The following DHX9 variants were observed in gnomAD, a reference collection of about 807,000 sequenced individuals.
DHX9 encodes the protein ATP-dependent RNA helicase A.
In DHX9, 27 loss-of-function variants were observed where a neutral mutation model predicts 148.7. The ratio of observed to expected loss-of-function variants is 0.18; its 90% CI spans 0.13 to 0.25. The LOEUF (loss-of-function observed/expected upper bound fraction) is 0.25. Among genes scored for constraint, DHX9 ranks in the 10% least tolerant of loss-of-function variants. The pLI, the probability that DHX9 is intolerant of heterozygous loss-of-function variation, is 1.00. For synonymous variants in DHX9, 529 were observed against 516.6 expected, an observed-to-expected ratio of 1.02 and a Z score of -0.33; for missense variants, 796 against 1,559.6, an observed-to-expected ratio of 0.51 and a Z score of 8.25.
intron 12 of DHX9, 49 bp from the exon 13 acceptor site, chr1:182,866,395 A>G (rs1648298622): frequency 2.5e-6 from 4 of 1,592,816 alleles, no homozygotes; most frequent in Non-Finnish European, 3.4e-6. Flanking sequence ...ATAAACAAGT[A>G]TATCTAACTT....
At chr1:182,867,981 T>TTTTA (rs1296553110) in intron 14 of DHX9, among the ~76,000 whole-genome samples, 1 of 152,160 alleles carries the variant, frequency 6.6e-6, no homozygotes, top group Non-Finnish European at 1.5e-5. Context: ...CATTTCTAGT[T>TTTTA]TTTATTTTTT....
chr1:182,886,445 C>G (rs1649335429), intron 27 of DHX9, among the ~76,000 whole-genome samples: 1 of 152,106 alleles, frequency 6.6e-6, no homozygotes, highest in African/African-American at 2.4e-5. Context: ...ATCCACCCAC[C>G]TCAGCCTCCC....
chr1:182,869,755 CACCTGGGT>C (rs1350729359), intron 14 of DHX9, among the ~76,000 whole-genome samples: 1 of 152,204 alleles, frequency 6.6e-6, no homozygotes, highest in Non-Finnish European at 1.5e-5. Flanking sequence ...CCTGCCACCA[CACCTGGGT>C]AATTTTTGTA....
intron 4 of DHX9, 22 bp from the exon 5 acceptor site, chr1:182,853,284 A>C (rs747978561): frequency 6.5e-7 from 1 of 1,548,468 alleles, no homozygotes; most frequent in Non-Finnish European, 8.9e-7. Context: ...ACTCATTAAG[A>C]GAATTTTTTT....
At chr1:182,853,923 G>C in intron 5 of DHX9, 107 bp from the exon 6 acceptor site, 8 of 1,004,350 alleles carry the variant, frequency 8.0e-6, no homozygotes, top group Non-Finnish European at 8.7e-6. Context: ...ATCAAAAACA[G>C]CTTTTGCATT....
rs1648904683 is a variant in DHX9, at chr1:182,878,123, A to G, written c.2301A>G (p.Arg767=). 3 of 1,614,142 alleles carry G rather than the reference A, an allele frequency of 1.9e-6. No individual in the cohort carries two copies. In the East Asian group the frequency reaches 6.7e-5, roughly 36 times the overall value. Residue 767 remains arginine, a synonymous_variant, in exon 20 of 28, where the codon CGA becomes CGG. Coordinates refer to ENST00000367549, the MANE Select transcript of DHX9 (RefSeq NM_001357.5). ...NLEQRKGRAG[R]VRPGFCFHLC... ...AGCAACGGAAAGGGCGAGCTGGCCG[A>G]GTACGGCCTGGATTCTGCTTTCACC...
rs759699305 is a variant in DHX9 at position 182,880,561 on chromosome 1, C to T, written c.2577C>T (p.Pro859=). 1 of 1,613,872 alleles carries T rather than the reference C, an allele frequency of 6.2e-7. No homozygotes were observed. Among genetic ancestry groups the T allele is most frequent in the South Asian group, 1.1e-5 (1 of 91,074 alleles). The change falls in exon 22 of 28, where the codon CCC becomes CCT. Residue 859 remains proline, a synonymous_variant. Transcript: ENST00000367549. ...TPLGRILAKL[P]IEPRFGKMMI... is the part of the protein sequence containing the mutation. ...TGGGACGAATCCTGGCTAAACTCCC[C>T]ATTGAGCCTCGTTTTGGCAAAATGA...
At chr1:182,858,454 G>A in intron 8 of DHX9, 97 bp from the exon 9 acceptor site, 1 of 1,190,744 alleles carries the variant, frequency 8.4e-7, no homozygotes. Flanking sequence ...CTGACTATTG[G>A]TTTAGGAATA....
At chr1:182,850,918 A>G (rs1031104993) in intron 3 of DHX9, among the ~76,000 whole-genome samples, 10 of 152,208 alleles carry the variant, frequency 6.6e-5, no homozygotes, top group African/African-American at 2.4e-4. Context: ...AATAGAAGTT[A>G]CATCAGACAC....
rs1224413041 is a variant in DHX9, at chr1:182,857,962, T to C, written c.674-142T>C. The C allele has an allele frequency of 9.3e-6, 7 of 755,772 alleles. No homozygotes were observed. In the African/African-American group the frequency reaches 1.1e-4, roughly 11 times the overall value. 46.8% of individuals were successfully genotyped at this position (755,772 alleles called of 1,614,324 possible). A position where few individuals can be genotyped will look rare whatever the true frequency, so the allele number is the denominator to read the frequency against. On this transcript the variant is annotated intron_variant, in intron 7 of 27. Coordinates refer to ENST00000367549, the MANE Select transcript of DHX9 (RefSeq NM_001357.5). ...ATTTCTTTTGTTTAGCAGATATTAA[T>C]AGAATAAAAAGGAACTAGAAGCCAT... is the stretch of plus-strand genomic sequence containing the variant.
rs1362607504 is a variant in DHX9 at position 182,852,358 on chromosome 1, A to C, written c.364+14A>C. ...CTCTCAAAGCAGGTAAGGGACTTGA[A>C]TCCATGCACGTGGTGGAGAATAAGA... is the stretch of plus-strand genomic sequence containing the variant. On this transcript the variant is annotated intron_variant, in intron 4 of 27. Coordinates refer to ENST00000367549, the MANE Select transcript of DHX9 (RefSeq NM_001357.5). The C allele has an allele frequency of 1.3e-6, 2 of 1,548,674 alleles. No homozygotes were observed. The highest frequency in any genetic ancestry group is 2.3e-5 in the South Asian group (2 of 87,514).
intron 20 of DHX9, among the ~76,000 whole-genome samples, chr1:182,878,873 G>A (rs1648948613): frequency 6.6e-6 from 1 of 152,234 alleles, no homozygotes; most frequent in Non-Finnish European, 1.5e-5. Context: ...AAGGTGGGAG[G>A]TTGTAGAGAA....
Position 182,880,616 on chromosome 1 carries a change from CTTTGT to C in DHX9, c.2624+12_2624+16del. The C allele has an allele frequency of 1.3e-6, 2 of 1,556,374 alleles. No homozygotes were observed. The highest frequency in any genetic ancestry group is 1.4e-5 in the African/African-American group (1 of 73,744). ...AATGGGGTGTATTTTCTAGTAAGTG[CTTTGT>C]TTTATTTCTCTTCGTTAAGTGGCAG... On this transcript the variant is annotated intron_variant, in intron 22 of 27. Transcript: ENST00000367549.
At chr1:182,886,610 A>T (rs1403501107) in intron 27 of DHX9, among the ~76,000 whole-genome samples, 1 of 152,214 alleles carries the variant, frequency 6.6e-6, no homozygotes, top group East Asian at 1.9e-4. Flanking sequence ...TTGACAGTCC[A>T]TCTTGATTTC....
intron 3 of DHX9, among the ~76,000 whole-genome samples, chr1:182,845,885 G>A (rs1668019071): frequency 6.6e-6 from 1 of 152,200 alleles, no homozygotes; most frequent in African/African-American, 2.4e-5. Context: ...CCCATGCCCT[G>A]CCTCGAACAC....
chr1:182,876,211 C>A lies in DHX9; in HGVS notation c.1977C>A (p.Gly659=). Residue 659 remains glycine (G), a synonymous_variant, in exon 17 of 28, where the codon GGC becomes GGA. Coordinates refer to ENST00000367549, the MANE Select transcript of DHX9 (RefSeq NM_001357.5). ...VPGAVLVFLP[G]WNLIYTMQKH... ...GAGCTGTGTTGGTTTTTTTGCCTGG[C>A]TGGAATCTGATTTATACTATGCAGA... The A allele has an allele frequency of 6.2e-7, 1 of 1,613,906 alleles. No individual in the cohort carries two copies. Among genetic ancestry groups the A allele is most frequent in the Non-Finnish European group, 8.5e-7 (1 of 1,179,876 alleles).
rs1329455593 is a variant in DHX9, at chr1:182,884,604, C to T, written c.3261-9C>T. On this transcript the variant is annotated splice_polypyrimidine_tract_variant and intron_variant, in intron 26 of 27. Transcript: ENST00000367549. Reference sequence around the variant, plus strand: ...CCTCTCTTATTTTTAATGTATTTCGCCACTTTAGGATTAAACTGCAAATAT... The same window carrying T: ...CCTCTCTTATTTTTAATGTATTTCGTCACTTTAGGATTAAACTGCAAATAT... 3.7e-6 allele frequency: 6 copies of T among 1,613,146 alleles called. No homozygotes were observed. Among genetic ancestry groups the T allele is most frequent in the Non-Finnish European group, 5.1e-6 (6 of 1,179,468 alleles).
In DHX9 at chr1:182,858,882, G is replaced by T; in HGVS notation, c.1050G>T (p.Gly350=). 7 of 1,614,024 alleles carry T rather than the reference G, an allele frequency of 4.3e-6. No individual in the cohort carries two copies. Among genetic ancestry groups the T allele is most frequent in the Non-Finnish European group, 5.9e-6 (7 of 1,179,980 alleles). The change falls in exon 10 of 28, where the codon GGG becomes GGT. Residue 350 remains glycine, a synonymous_variant. Transcript: ENST00000367549. ...GGACTAGTAGCAACATTGATGAGGGGCCTCTGGCTTTTGTGAGTGCAATAT... is the reference window on the plus strand; with the variant it reads ...GGACTAGTAGCAACATTGATGAGGGTCCTCTGGCTTTTGTGAGTGCAATAT... ...NPWTSSNIDE[G]PLAFATPEQI...
intron 15 of DHX9, among the ~76,000 whole-genome samples, chr1:182,874,345 T>G (rs1263259429): frequency 6.6e-6 from 1 of 152,150 alleles, no homozygotes; most frequent in African/African-American, 2.4e-5. Flanking sequence ...GACTGGCACT[T>G]TGGGAGTTTT....
Sources: gnomAD v4.1 joint callset for allele counts (sites outside exome capture counted in the v4.1 genomes callset) on GRCh38, gnomAD v4.1.1 for gene constraint, MANE v1.5 for transcripts, NCBI Gene and HGNC (gene_info 2026-07-23, HGNC 2026-07-21) for gene names.